Variants in CDH1 observed in about 807,000 individuals in gnomAD.
The protein encoded by CDH1 is cadherin-1.
Under a neutral mutation model 84.5 loss-of-function variants are expected in CDH1, and 35 were observed. The ratio of observed to expected loss-of-function variants is 0.41; its 90% CI spans 0.32 to 0.55. The LOEUF is 0.55. Ranked by LOEUF, CDH1 falls within the 20% of genes least tolerant of loss-of-function variation. The pLI, the probability that CDH1 is intolerant of heterozygous loss-of-function variation, is 0.19. For missense variants in CDH1, 994 were observed against 1,126.6 expected (o/e 0.88, Z 1.68); for synonymous variants, 417 against 439.0 (o/e 0.95, Z 0.63).
At chr16:68,809,802 A>G (rs1250888751) in intron 5 of CDH1, among the ~76,000 whole-genome samples, 1 of 152,206 alleles carries the variant, frequency 6.6e-6, no homozygotes, top group Non-Finnish European at 1.5e-5. Context: ...CTGAGATTAC[A>G]TGAACCACTA....
intron 2 of CDH1, among the ~76,000 whole-genome samples, chr16:68,756,378 G>C (rs1963019740): frequency 6.6e-6 from 1 of 152,068 alleles, no homozygotes; most frequent in African/African-American, 2.4e-5. Flanking sequence ...ATGAACAGGT[G>C]GGGTGGGGCC....
At chr16:68,759,487 CTTTTTT>C (rs141278700) in intron 2 of CDH1, among the ~76,000 whole-genome samples, 2,190 of 136,158 alleles carry the variant, frequency 0.016, 69 homozygotes, top group African/African-American at 0.056. Flanking sequence ...TCTTTTCTTT[CTTTTTT>C]TTTTTTTTTT....
chr16:68,755,854 C>T (rs1232787592), intron 2 of CDH1, among the ~76,000 whole-genome samples: 3 of 151,446 alleles, frequency 2.0e-5, no homozygotes, highest in Non-Finnish European at 4.4e-5. Flanking sequence ...ACCTCTGCCT[C>T]CCGGGTTCAA....
chr16:68,796,275 G>T (rs1455517509), intron 2 of CDH1, among the ~76,000 whole-genome samples: 1 of 152,190 alleles, frequency 6.6e-6, no homozygotes, highest in Non-Finnish European at 1.5e-5. Flanking sequence ...TATGCAGGGT[G>T]GGCAAAACAC....
chr16:68,807,426 T>C (rs1402040433), intron 3 of CDH1, among the ~76,000 whole-genome samples: 1 of 152,104 alleles, frequency 6.6e-6, no homozygotes, highest in Non-Finnish European at 1.5e-5. Context: ...TCCCAGCAAA[T>C]TGGGAAGCCA....
At position 68,777,788 on chromosome 16, in the gene CDH1, G is replaced by A. The variant is rs929497342; in HGVS notation, c.164-23882G>A. Among the ~76,000 whole-genome samples, 11 of 152,086 alleles carry A rather than the reference G, an allele frequency of 7.2e-5. No individual in the cohort carries two copies. In the South Asian group the frequency reaches 1.2e-3, roughly 17 times the overall value. On this transcript the variant is annotated intron_variant, in intron 2 of 15. Transcript: ENST00000261769. ...ACTCTGTTGCCCAGGCTGGAGTGCA[G>A]TGGCACAATTTCAGCTCACTGCAAC...
intron 2 of CDH1, among the ~76,000 whole-genome samples, chr16:68,796,350 G>A (rs1286826700): frequency 1.3e-5 from 2 of 152,092 alleles, no homozygotes; most frequent in African/African-American, 2.4e-5. Flanking sequence ...ACTCAACTAT[G>A]GTTTGCTGCC....
intron 15 of CDH1, among the ~76,000 whole-genome samples, chr16:68,830,121 A>C (rs910599557): frequency 1.2e-4 from 18 of 150,760 alleles, no homozygotes; most frequent in African/African-American, 4.2e-4. Flanking sequence ...CACTCAGCTA[A>C]TTTTGTATTT....
chr16:68,744,649 G>T (rs756331767), intron 2 of CDH1, among the ~76,000 whole-genome samples: 21 of 152,054 alleles, frequency 1.4e-4, no homozygotes, highest in Admixed American at 2.0e-4. Flanking sequence ...AATTCAGAAG[G>T]TTCTTGAATC....
At chr16:68,817,006 T>C (rs1961005668) in intron 10 of CDH1, among the ~76,000 whole-genome samples, 1 of 152,182 alleles carries the variant, frequency 6.6e-6, no homozygotes, top group Admixed American at 6.5e-5. Flanking sequence ...CTGGGGCAGA[T>C]TCAGGGACCA....
chr16:68,823,100 A>C, intron 12 of CDH1: 1 of 371,854 alleles, frequency 2.7e-6, no homozygotes, highest in Non-Finnish European at 4.9e-6. Flanking sequence ...GGCACACGGG[A>C]GCCTACCGAA....
rs1567516239 is a variant in CDH1, at chr16:68,829,811, GTGGAAAGCCAAAGCA to G, written c.2439+18_2439+32del. 4 of 1,613,028 alleles carry G rather than the reference GTGGAAAGCCAAAGCA, an allele frequency of 2.5e-6. No homozygotes were observed. The highest frequency in any genetic ancestry group is 3.4e-6 in the Non-Finnish European group (4 of 1,179,724). The stretch of plus-strand genomic sequence containing the variant: ...TTTATTGATGAAGTAAGTAATCCAC[GTGGAAAGCCAAAGCA>G]TGGCTCATCTCTAAGCTCAGGAGGA... On this transcript the variant is annotated intron_variant, in intron 15 of 15. Coordinates refer to ENST00000261769, the MANE Select transcript of CDH1 (RefSeq NM_004360.5).
At chr16:68,831,209 G>A (rs1427897078) in intron 15 of CDH1, among the ~76,000 whole-genome samples, 1 of 148,554 alleles carries the variant, frequency 6.7e-6, no homozygotes, top group African/African-American at 2.5e-5. Flanking sequence ...CTCCCGAGTA[G>A]CTGTGCCTAC....
chr16:68,760,261 AGCTAATT>A (rs902494081), intron 2 of CDH1, among the ~76,000 whole-genome samples: 3 of 114,344 alleles, frequency 2.6e-5, no homozygotes, highest in Non-Finnish European at 3.6e-5. Flanking sequence ...CACCACGCCC[AGCTAATT>A]TTTTTTTTTT....
In CDH1 at chr16:68,740,336, C is replaced by T. The variant is rs150204527; in HGVS notation, c.163+1925C>T. Among the ~76,000 whole-genome samples, 198 of 152,122 alleles carry T rather than the reference C, an allele frequency of 1.3e-3. 2 individuals are homozygous for T. Among genetic ancestry groups the T allele is most frequent in the Admixed American group, 0.011 (171 of 15,276 alleles). On this transcript the variant is annotated intron_variant, in intron 2 of 15. Coordinates refer to ENST00000261769, the MANE Select transcript of CDH1 (RefSeq NM_004360.5). ...AGTTTTTTACAGAGAAACTACAGCT[C>T]GACTGATGAAGTATATTTGCTCTGT...
rs1231099561 is a variant in CDH1 at position 68,743,349 on chromosome 16, TTCTTTCTTTC to T, written c.163+4940_163+4949del. On this transcript the variant is annotated intron_variant, in intron 2 of 15. Transcript: ENST00000261769. ...TTTCTTTCTTTCTTTCTTTCTTTCT[TTCTTTCTTTC>T]TTTCTTTTCTTTTCTTTCTTTTGAG... 1.3e-3 allele frequency among the ~76,000 whole-genome samples: 21 copies of T among 16,460 alleles called. 5 individuals carry two copies. Among genetic ancestry groups the T allele is most frequent in the Admixed American group, 3.1e-3 (6 of 1,960 alleles). The allele number at this position is 16,460 out of a possible 152,430, so 10.8% of individuals were successfully genotyped here.
Position 68,828,324 on chromosome 16 carries a change from G to T in CDH1, c.2295+20G>T. The stretch of plus-strand genomic sequence containing the variant: ...GACCAGGTGGGTTTTGAAAACCTTG[G>T]TAGCTCAGTGGTGATCTCTTTATTC... On this transcript the variant is annotated intron_variant, in intron 14 of 15. Transcript: ENST00000261769. 1.2e-6 allele frequency: 2 copies of T among 1,613,424 alleles called. No homozygotes were observed. Among genetic ancestry groups the T allele is most frequent in the Non-Finnish European group, 1.7e-6 (2 of 1,179,444 alleles).
chr16:68,799,531 T>C (rs1267019346), intron 2 of CDH1, among the ~76,000 whole-genome samples: 1 of 152,088 alleles, frequency 6.6e-6, no homozygotes, highest in African/African-American at 2.4e-5. Flanking sequence ...AACCTTTCAA[T>C]CTTTCCTATA....
intron 2 of CDH1, among the ~76,000 whole-genome samples, chr16:68,756,027 G>A (rs1463949719): frequency 6.6e-6 from 1 of 152,006 alleles, no homozygotes; most frequent in Non-Finnish European, 1.5e-5. Context: ...GCCTCCCAAA[G>A]TGCTGGGATT....
Sources: allele counts gnomAD v4.1 joint callset (sites outside exome capture counted in the v4.1 genomes callset), GRCh38; gene constraint gnomAD v4.1.1; transcripts MANE v1.5; gene names NCBI Gene and HGNC (gene_info 2026-07-23, HGNC 2026-07-21).